LRRFIP1: variants seen among roughly 807,000 people sequenced by gnomAD.
LRRFIP1 encodes leucine-rich repeat flightless-interacting protein 1.
Under a neutral mutation model 104.4 loss-of-function variants are expected in LRRFIP1, and 62 were observed. The ratio of observed to expected loss-of-function variants is 0.59; its 90% CI spans 0.48 to 0.73. LRRFIP1 has a LOEUF of 0.73. Ranked by LOEUF, LRRFIP1 falls within the 30% of genes least tolerant of loss-of-function variation. LRRFIP1 has a pLI of 0.00. For missense variants in LRRFIP1, 796 were observed against 824.5 expected, an observed-to-expected ratio of 0.97 and a Z score of 0.42; for synonymous variants, 300 against 299.0, an observed-to-expected ratio of 1.00 and a Z score of -0.03.
Position 237,733,803 on chromosome 2 carries a change from T to G in LRRFIP1, c.474T>G (p.Pro158=), listed in dbSNP as rs771161803. 1 of 1,614,040 alleles carries G rather than the reference T, an allele frequency of 6.2e-7. No individual in the cohort carries two copies. The change falls in exon 9 of 24, where the codon CCT becomes CCG. Residue 158 remains proline, a synonymous_variant. Coordinates refer to ENST00000308482, the MANE Select transcript of LRRFIP1 (RefSeq NM_001137550.2). ...CCTGTCTGTACAGCGCTGCCCGGCC[T>G]TCGGGGAGTTACCGGGTGCGTGTGC... The part of the protein sequence containing the change: ...RPSCLYSAAR[P]SGSYRASVLD...
At chr2:237,688,033 T>G (rs1298046768) in intron 1 of LRRFIP1, among the ~76,000 whole-genome samples, 1 of 152,242 alleles carries the variant, frequency 6.6e-6, no homozygotes, top group Non-Finnish European at 1.5e-5. Flanking sequence ...AATTAGACCA[T>G]GCTACTGGCC....
In LRRFIP1 at chr2:237,703,005, G is replaced by A. The variant is rs1575618307; in HGVS notation, c.97-5539G>A. On this transcript the variant is annotated intron_variant, in intron 1 of 23. Transcript: ENST00000308482. This position sits in a 1 kb window ranked among gnomAD's most constrained non-coding sequence, Gnocchi z 4.3. ...ATGGGCAGAGAAAGGAGGCTTCAGG[G>A]TGTAGGACCCCAGGAGCAGGCAAGG... 6.6e-6 allele frequency among the ~76,000 whole-genome samples: 1 copy of A among 152,206 alleles called. No individual in the cohort carries two copies. Among genetic ancestry groups the A allele is most frequent in the African/African-American group, 2.4e-5 (1 of 41,432 alleles).
At chr2:237,686,237 T>C (rs967411819) in intron 1 of LRRFIP1, among the ~76,000 whole-genome samples, 3 of 152,154 alleles carry the variant, frequency 2.0e-5, no homozygotes, top group Admixed American at 6.5e-5. Flanking sequence ...GTTCAATCAA[T>C]AATCAAACCC....
intron 19 of LRRFIP1, chr2:237,765,689 T>G (rs2060212599): frequency 1.1e-6 from 1 of 947,442 alleles, no homozygotes; most frequent in South Asian, 4.9e-5. Context: ...ATCTGTTTTC[T>G]ATATAAAAAA....
At chr2:237,680,151 G>A (rs1199984899) in intron 1 of LRRFIP1, among the ~76,000 whole-genome samples, 1 of 152,028 alleles carries the variant, frequency 6.6e-6, no homozygotes, top group Admixed American at 6.6e-5. Flanking sequence ...CACATTCATG[G>A]ATTCAACCCA....
At chr2:237,631,946 C>T (rs1236210857) in intron 1 of LRRFIP1, among the ~76,000 whole-genome samples, 1 of 152,254 alleles carries the variant, frequency 6.6e-6, no homozygotes, top group Non-Finnish European at 1.5e-5. Flanking sequence ...TCCAAGCTGG[C>T]CCCTCTGTGG....
At chr2:237,647,660 G>A (rs779303715) in intron 1 of LRRFIP1, among the ~76,000 whole-genome samples, 6 of 151,770 alleles carry the variant, frequency 4.0e-5, no homozygotes, top group African/African-American at 1.2e-4. Context: ...ATCACTGCAC[G>A]CAGGGTGGAG....
At chr2:237,719,486 T>C in intron 4 of LRRFIP1, 37 bp from the exon 5 acceptor site, 2 of 1,559,682 alleles carry the variant, frequency 1.3e-6, no homozygotes, top group Non-Finnish European at 1.8e-6. Flanking sequence ...TGTGTCCATC[T>C]GTCTCTAACC....
At chr2:237,743,848 C>T (rs1034027659) in intron 11 of LRRFIP1, among the ~76,000 whole-genome samples, 5 of 152,136 alleles carry the variant, frequency 3.3e-5, no homozygotes, top group African/African-American at 1.2e-4. Flanking sequence ...AGTGACTCCA[C>T]CTAGTGAAGC....
intron 11 of LRRFIP1, among the ~76,000 whole-genome samples, chr2:237,742,281 A>T (rs927341508): frequency 6.6e-6 from 1 of 152,206 alleles, no homozygotes; most frequent in Non-Finnish European, 1.5e-5. Flanking sequence ...TCGATTGCTC[A>T]ACTAGCAAAG....
Position 237,661,326 on chromosome 2 carries a change from C to A in LRRFIP1, c.96+33586C>A, listed in dbSNP as rs114903317. On this transcript the variant is annotated intron_variant, in intron 1 of 23. Transcript: ENST00000308482. This position sits in a 1 kb window ranked among gnomAD's most constrained non-coding sequence, Gnocchi z 4.4. The stretch of plus-strand genomic sequence containing the variant: ...AGTGGGGTGGGCCACATAATGGAGG[C>A]TGGACTGTGTGTCCAGTCCACCCAG... 5.0e-3 allele frequency among the ~76,000 whole-genome samples: 768 copies of A among 152,288 alleles called. 6 individuals are homozygous for A. Among genetic ancestry groups the A allele is most frequent in the African/African-American group, 0.017 (718 of 41,542 alleles).
At chr2:237,664,178 G>A in intron 1 of LRRFIP1, among the ~76,000 whole-genome samples, 1 of 152,246 alleles carries the variant, frequency 6.6e-6, no homozygotes, top group Admixed American at 6.5e-5. Context: ...GTGAAGTCAT[G>A]GGGAGAAGGA....
At chr2:237,723,626 G>A (rs750405712) in intron 7 of LRRFIP1, 40 bp downstream of exon 7, 2 of 1,610,500 alleles carry the variant, frequency 1.2e-6, no homozygotes, top group Non-Finnish European at 1.7e-6. Context: ...GACCTTAACT[G>A]TGTGGTGTGA....
chr2:237,714,770 G>A (rs2047169), intron 3 of LRRFIP1, among the ~76,000 whole-genome samples: 46,073 of 152,064 alleles, frequency 0.3, 8,057 homozygotes, highest in African/African-American at 0.48. Flanking sequence ...ATCATAAAAT[G>A]ACGTGCCTCT....
Position 237,766,009 on chromosome 2 carries a change from T to A in LRRFIP1, c.1460-3934T>A. On this transcript the variant is annotated intron_variant, in intron 19 of 23. Transcript: ENST00000308482. The surrounding 1 kb of genome is among the most constrained non-coding windows in gnomAD (Gnocchi z 4.8). ...TGAGTAATATCTGCTTGGGGGTTGC[T>A]GATTCCTATTGGGGTTCCGTGGAAG... 1.3e-6 allele frequency: 1 copy of A among 777,190 alleles called. No individual in the cohort carries two copies. The highest frequency in any genetic ancestry group is 1.6e-6 in the Non-Finnish European group (1 of 639,988). The allele number at this position is 777,190 out of a possible 1,614,324, so 48.1% of individuals were successfully genotyped here.
At chr2:237,745,486 A>G (rs1247717815) in intron 11 of LRRFIP1, among the ~76,000 whole-genome samples, 2 of 152,152 alleles carry the variant, frequency 1.3e-5, no homozygotes, top group South Asian at 2.1e-4. Context: ...ACAGCAAACT[A>G]TGGTTTTTGG....
chr2:237,780,966 A>T lies in LRRFIP1; in HGVS notation c.*1434A>T, dbSNP rs1203652738. Among the ~76,000 whole-genome samples the T allele has an allele frequency of 6.6e-6, 1 of 151,470 alleles. No individual in the cohort carries two copies. Among genetic ancestry groups the T allele is most frequent in the Non-Finnish European group, 1.5e-5 (1 of 68,040 alleles). ...TGGCAAGTAGGAAACCACGGGTCGG[A>T]CAGGTGAGCAAAATGTGCTGGCAGG... On this transcript the variant is annotated 3_prime_UTR_variant, in exon 24 of 24. Coordinates refer to ENST00000308482, the MANE Select transcript of LRRFIP1 (RefSeq NM_001137550.2).
chr2:237,678,531 A>G (rs1425874167), intron 1 of LRRFIP1, among the ~76,000 whole-genome samples: 1 of 151,946 alleles, frequency 6.6e-6, no homozygotes, highest in East Asian at 1.9e-4. Flanking sequence ...TTTGAGACAG[A>G]GTCTCACTCT....
intron 1 of LRRFIP1, among the ~76,000 whole-genome samples, chr2:237,704,444 G>A (rs559625262): frequency 1.3e-5 from 2 of 152,118 alleles, no homozygotes; most frequent in Non-Finnish European, 2.9e-5. Flanking sequence ...GTGAACCACC[G>A]CGCCTGGCCA....
Sources: gnomAD v4.1 joint callset for allele counts (sites outside exome capture counted in the v4.1 genomes callset) on GRCh38, gnomAD v4.1.1 for gene constraint, Gnocchi (gnomAD v3.1) non-coding constraint, MANE v1.5 for transcripts, NCBI Gene and HGNC (gene_info 2026-07-23, HGNC 2026-07-21) for gene names.